The following ADCY2 variants were observed in gnomAD, a reference collection of about 807,000 sequenced individuals.
The protein encoded by ADCY2 is adenylate cyclase 2.
ADCY2 carries 31 observed loss-of-function variants against 125.2 expected under a neutral mutation model. The observed-to-expected ratio is 0.25, with a 90% confidence interval of 0.19 to 0.33. The LOEUF is 0.33. Among genes scored for constraint, ADCY2 ranks in the 10% least tolerant of loss-of-function variants. ADCY2 has a pLI of 1.00. For synonymous variants in ADCY2, 512 were observed against 548.4 expected, an observed-to-expected ratio of 0.93 and a Z score of 0.93; for missense variants, 904 against 1,418.2, an observed-to-expected ratio of 0.64 and a Z score of 5.82.
rs57381383 is a variant in ADCY2 at position 7,512,218 on chromosome 5, C to CAAAA, written c.409-8501_409-8498dup. ...CCTGGGCAGTAGAGCATGACTCCAT[C>CAAAA]AAAAAAAAAAAAAAAAAAAAAAGAA... On this transcript the variant is annotated intron_variant, in intron 2 of 24. Transcript: ENST00000338316. Among the ~76,000 whole-genome samples, 307 of 57,748 alleles carry CAAAA rather than the reference C, an allele frequency of 5.3e-3. 18 individuals carry two copies. The highest frequency in any genetic ancestry group is 0.02 in the African/African-American group (250 of 12,544). The allele number at this position is 57,748 out of a possible 152,430, so 37.9% of individuals were successfully genotyped here. A position where few individuals can be genotyped will look rare whatever the true frequency, so the allele number is the denominator to read the frequency against.
chr5:7,443,639 C>G (rs1239385483), intron 2 of ADCY2, among the ~76,000 whole-genome samples: 2 of 51,222 alleles, frequency 3.9e-5, no homozygotes, highest in Admixed American at 7.8e-4. Flanking sequence ...GACTCTGTCT[C>G]AAAAAAAAAA....
chr5:7,492,335 T>C (rs1743193091), intron 2 of ADCY2, among the ~76,000 whole-genome samples: 1 of 152,164 alleles, frequency 6.6e-6, no homozygotes, highest in Non-Finnish European at 1.5e-5. Flanking sequence ...ATGTTTTGCA[T>C]TAGCATTGAT....
chr5:7,416,526 T>G (rs1434013720), intron 2 of ADCY2, among the ~76,000 whole-genome samples: 1 of 152,002 alleles, frequency 6.6e-6, no homozygotes, highest in Non-Finnish European at 1.5e-5. Context: ...TACATAACAA[T>G]AAGGTAAACA....
intron 5 of ADCY2, 133 bp downstream of exon 5, chr5:7,690,972 C>T: frequency 1.9e-6 from 2 of 1,055,848 alleles, no homozygotes; most frequent in South Asian, 4.9e-5. Context: ...AATAATCACA[C>T]AGATTCTGCC....
chr5:7,758,147 A>T (rs988295817), intron 16 of ADCY2, among the ~76,000 whole-genome samples: 2 of 152,064 alleles, frequency 1.3e-5, no homozygotes, highest in Non-Finnish European at 2.9e-5. Context: ...CTCCATTTTC[A>T]CTTCTTTGAA....
chr5:7,496,635 A>G (rs1266716966), intron 2 of ADCY2, among the ~76,000 whole-genome samples: 2 of 152,184 alleles, frequency 1.3e-5, no homozygotes, highest in Non-Finnish European at 2.9e-5. Context: ...TTATTATTTT[A>G]CAATAGTTGA....
chr5:7,805,261 C>T (rs1744722126), intron 22 of ADCY2, among the ~76,000 whole-genome samples: 1 of 152,030 alleles, frequency 6.6e-6, no homozygotes, highest in East Asian at 1.9e-4. Context: ...GTGGAGGTTG[C>T]AGTGAACTGA....
In ADCY2 at chr5:7,554,175, G is replaced by A. The variant is rs146196501; in HGVS notation, c.570+33276G>A. Among the ~76,000 whole-genome samples, 533 of 152,306 alleles carry A rather than the reference G, an allele frequency of 3.5e-3. 9 individuals carry two copies. The highest frequency in any genetic ancestry group is 0.012 in the African/African-American group (505 of 41,560). ...TTCTGAAAGTAGTTATGCCAAGGCCGACCAAAGAAAAGAAAATGATTAGTC... is the reference window on the plus strand; with the variant it reads ...TTCTGAAAGTAGTTATGCCAAGGCCAACCAAAGAAAAGAAAATGATTAGTC... On this transcript the variant is annotated intron_variant, in intron 3 of 24. Coordinates refer to ENST00000338316, the MANE Select transcript of ADCY2 (RefSeq NM_020546.3).
chr5:7,634,134 T>C (rs1405154403), intron 4 of ADCY2, among the ~76,000 whole-genome samples: 4 of 152,174 alleles, frequency 2.6e-5, no homozygotes, highest in African/African-American at 9.7e-5. Context: ...GGAAAGGCAT[T>C]TTGAACTTAC....
At position 7,564,689 on chromosome 5, in the gene ADCY2, A is replaced by G. The variant is rs144764250; in HGVS notation, c.570+43790A>G. ...AGTTTTTCCTGCACCTGAAATGCTC[A>G]TCCTGCCACCCTGCCTGCTAAGGGC... On this transcript the variant is annotated intron_variant, in intron 3 of 24. Coordinates refer to ENST00000338316, the MANE Select transcript of ADCY2 (RefSeq NM_020546.3). Among the ~76,000 whole-genome samples the G allele has an allele frequency of 7.0e-3, 1,073 of 152,246 alleles. 14 individuals carry two copies. Among genetic ancestry groups the G allele is most frequent in the African/African-American group, 0.024 (1,017 of 41,544 alleles).
At chr5:7,544,008 C>A (rs1161957114) in intron 3 of ADCY2, among the ~76,000 whole-genome samples, 1 of 86,318 alleles carries the variant, frequency 1.2e-5, no homozygotes, top group East Asian at 3.6e-4. Flanking sequence ...AGCGAGACTC[C>A]GTCTCAAAAA....
At chr5:7,569,130 A>G (rs1735995578) in intron 3 of ADCY2, among the ~76,000 whole-genome samples, 1 of 152,216 alleles carries the variant, frequency 6.6e-6, no homozygotes, top group Non-Finnish European at 1.5e-5. Context: ...GGAAATGAGC[A>G]ACCCAGTTCA....
At chr5:7,688,496 C>A (rs952265198) in intron 4 of ADCY2, among the ~76,000 whole-genome samples, 1 of 151,788 alleles carries the variant, frequency 6.6e-6, no homozygotes, top group South Asian at 2.1e-4. Context: ...CTCAAACTCC[C>A]GACCTCAGGT....
chr5:7,675,170 A>C (rs1740080816), intron 4 of ADCY2, among the ~76,000 whole-genome samples: 1 of 144,350 alleles, frequency 6.9e-6, no homozygotes, highest in Non-Finnish European at 1.5e-5. Flanking sequence ...AAAAAAAAAA[A>C]AGAAAGAAAA....
chr5:7,750,994 C>T lies in ADCY2; in HGVS notation c.1957-6455C>T, dbSNP rs7711698. Among the ~76,000 whole-genome samples, 1,003 of 152,232 alleles carry T rather than the reference C, an allele frequency of 6.6e-3. 7 individuals are homozygous for T. The highest frequency in any genetic ancestry group is 0.023 in the African/African-American group (959 of 41,516). On this transcript the variant is annotated intron_variant, in intron 15 of 24. Coordinates refer to ENST00000338316, the MANE Select transcript of ADCY2 (RefSeq NM_020546.3). ...TCAGAGGTATGTTGAATCTCTTCAT[C>T]ATATCCTCTGTGTCTCAGTCTCTTT...
chr5:7,589,519 A>G (rs1422629869), intron 3 of ADCY2, among the ~76,000 whole-genome samples: 2 of 108,334 alleles, frequency 1.8e-5, no homozygotes, highest in East Asian at 2.5e-4. Context: ...AGAAAAGAAA[A>G]GAAAGAGAAA....
intron 7 of ADCY2, among the ~76,000 whole-genome samples, chr5:7,704,221 C>G (rs1741187849): frequency 6.6e-6 from 1 of 152,176 alleles, no homozygotes; most frequent in Admixed American, 6.5e-5. Context: ...ACACCTGGCA[C>G]TTGGGTTTTT....
In ADCY2 at chr5:7,489,270, C is replaced by T. The variant is rs140546364; in HGVS notation, c.409-31468C>T. ...GTAGGACAGCAGGGCCCCTAGCACT[C>T]CTAGGTGGCACTCGCCAATCCAGGG... On this transcript the variant is annotated intron_variant, in intron 2 of 24. Transcript: ENST00000338316. Among the ~76,000 whole-genome samples, 353 of 152,314 alleles carry T rather than the reference C, an allele frequency of 2.3e-3. 1 individual carries two copies. The highest frequency in any genetic ancestry group is 0.012 in the Admixed American group (184 of 15,308).
chr5:7,653,679 A>G (rs187807247), intron 4 of ADCY2, among the ~76,000 whole-genome samples: 1 of 152,258 alleles, frequency 6.6e-6, no homozygotes, highest in East Asian at 1.9e-4. Flanking sequence ...GTAGTTTATT[A>G]CAAATATTTT....
Sources: gnomAD v4.1 joint callset for allele counts (sites outside exome capture counted in the v4.1 genomes callset) on GRCh38, gnomAD v4.1.1 for gene constraint, MANE v1.5 for transcripts, NCBI Gene and HGNC (gene_info 2026-07-23, HGNC 2026-07-21) for gene names.